Variants in DTX2 observed in about 807,000 individuals in gnomAD.
DTX2 encodes the protein deltex E3 ubiquitin ligase 2.
Under a neutral mutation model 55.3 loss-of-function variants are expected in DTX2, and 29 were observed. The observed-to-expected ratio is 0.52, with a 90% CI of 0.39 to 0.71. DTX2 has a LOEUF of 0.71. DTX2 is among the 30% of genes least tolerant of loss of function. DTX2 has a pLI of 0.00. For synonymous variants in DTX2, 276 were observed against 340.4 expected (o/e 0.81, Z 2.08); for missense variants, 537 against 822.5 (o/e 0.65, Z 4.25).
At chr7:76,495,755 G>A (rs554423518) in intron 5 of DTX2, among the ~76,000 whole-genome samples, 1 of 152,068 alleles carries the variant, frequency 6.6e-6, no homozygotes, top group Admixed American at 6.5e-5. Flanking sequence ...AAACAGAGGG[G>A]AGTGCAAAGC....
intron 2 of DTX2, among the ~76,000 whole-genome samples, chr7:76,476,758 G>C (rs1808587441): frequency 6.6e-6 from 1 of 151,804 alleles, no homozygotes; most frequent in South Asian, 2.1e-4. Context: ...TTAGATGTAG[G>C]TATCAAAGGT....
chr7:76,476,717 G>A (rs1299107863), intron 2 of DTX2, among the ~76,000 whole-genome samples: 1 of 151,782 alleles, frequency 6.6e-6, no homozygotes, highest in Non-Finnish European at 1.5e-5. Flanking sequence ...AAGGTGGTAA[G>A]TGGCTTGGAA....
rs62476489 is a variant in DTX2 at position 76,501,133 on chromosome 7, T to C, written c.1230+613T>C. 3.3e-4 allele frequency: 101 copies of C among 302,138 alleles called. No homozygotes were observed. In the African/African-American group the frequency reaches 3.5e-3, roughly 11 times the overall value. The allele number at this position is 302,138 out of a possible 1,614,324, so 18.7% of individuals were successfully genotyped here. The stretch of plus-strand genomic sequence containing the variant: ...TTCCCCTGATTTTAGCTGGGAGCCC[T>C]GGAGATACTGTTGGGGGAGGGGGTG... On this transcript the variant is annotated intron_variant, in intron 7 of 10. Coordinates refer to ENST00000430490, the MANE Select transcript of DTX2 (RefSeq NM_001102594.3).
intron 2 of DTX2, among the ~76,000 whole-genome samples, chr7:76,473,030 TGTGTTGCCCAGGCTG>T (rs1419442421): frequency 6.6e-6 from 1 of 152,004 alleles, no homozygotes; most frequent in East Asian, 1.9e-4. Context: ...GGGGTCTCTC[TGTGTTGCCCAGGCTG>T]GTCTTGACCT....
At chr7:76,495,499 C>T (rs375909136) in intron 5 of DTX2, among the ~76,000 whole-genome samples, 2 of 152,074 alleles carry the variant, frequency 1.3e-5, no homozygotes, top group South Asian at 2.1e-4. Context: ...CCTCTCCAGG[C>T]TTCTGGGTTG....
chr7:76,467,990 C>T (rs1209089180), intron 2 of DTX2, among the ~76,000 whole-genome samples: 3 of 152,274 alleles, frequency 2.0e-5, no homozygotes, highest in Admixed American at 6.5e-5. Context: ...CAGGGCATCC[C>T]GAGGACAGCT....
intron 6 of DTX2, among the ~76,000 whole-genome samples, chr7:76,498,884 GTGGGGTGTA>G (rs1485865806): frequency 8.9e-5 from 8 of 89,778 alleles, no homozygotes; most frequent in Non-Finnish European, 1.7e-4. Context: ...GTGTGGAGGT[GTGGGGTGTA>G]TGGAGGTGTG....
chr7:76,501,115 G>A (rs1241193946), intron 7 of DTX2, among the ~76,000 whole-genome samples: 2 of 142,142 alleles, frequency 1.4e-5, no homozygotes, highest in Non-Finnish European at 3.1e-5. Context: ...ACTTTCCCCT[G>A]ATTTTAGCTG....
At chr7:76,463,209 C>A (rs1157538480) in intron 1 of DTX2, among the ~76,000 whole-genome samples, 1 of 147,420 alleles carries the variant, frequency 6.8e-6, no homozygotes, top group Non-Finnish European at 1.5e-5. Context: ...ACCTGGGAGG[C>A]GGAGGCTGCA....
rs1262711779 is a variant in DTX2, at chr7:76,493,788, G to T, written c.1009+1535G>T. 9.2e-5 allele frequency among the ~76,000 whole-genome samples: 13 copies of T among 141,210 alleles called. No homozygotes were observed. The South Asian group carries it at 2.3e-3, about 25-fold the overall frequency. The allele number at this position is 141,210 out of a possible 152,430, so 92.6% of individuals were successfully genotyped here. ...GAGGTTTGGCTTGAAACATTCAGAGGCATGAGCCGTCAGGCGGGGGGTTGT... is the reference window on the plus strand; with the variant it reads ...GAGGTTTGGCTTGAAACATTCAGAGTCATGAGCCGTCAGGCGGGGGGTTGT... On this transcript the variant is annotated intron_variant, in intron 5 of 10. Transcript: ENST00000430490.
Position 76,496,256 on chromosome 7 carries a change from G to T in DTX2, c.1010-1081G>T, listed in dbSNP as rs1365830521. On this transcript the variant is annotated intron_variant, in intron 5 of 10. Coordinates refer to ENST00000430490, the MANE Select transcript of DTX2 (RefSeq NM_001102594.3). ...GAAGCTTTGTTCTTCTAGTGGGGGC[G>T]CAGTGGCTGGCCTGGCCGCCCTTCA... Among the ~76,000 whole-genome samples, 2 of 82,922 alleles carry T rather than the reference G, an allele frequency of 2.4e-5. 1 individual carries two copies. The highest frequency in any genetic ancestry group is 4.8e-5 in the Non-Finnish European group (2 of 41,482). The allele number at this position is 82,922 out of a possible 152,430, so 54.4% of individuals were successfully genotyped here.
chr7:76,482,497 T>C lies in DTX2; in HGVS notation c.269-11T>C, dbSNP rs1489380068. 4.5e-6 allele frequency: 7 copies of C among 1,566,998 alleles called. No individual in the cohort carries two copies. Among genetic ancestry groups the C allele is most frequent in the Non-Finnish European group, 6.1e-6 (7 of 1,154,138 alleles). On this transcript the variant is annotated splice_polypyrimidine_tract_variant and intron_variant, in intron 3 of 10. Transcript: ENST00000430490. Reference sequence around the variant, plus strand: ...CTAGCAGACTAACCTTTTGTTTTCCTTTGAAAATAGGCACCATGCGGGCTG... The same window carrying C: ...CTAGCAGACTAACCTTTTGTTTTCCCTTGAAAATAGGCACCATGCGGGCTG...
intron 2 of DTX2, among the ~76,000 whole-genome samples, chr7:76,468,906 G>GTGC (rs1332450689): frequency 7.4e-6 from 1 of 134,260 alleles, no homozygotes; most frequent in Non-Finnish European, 1.6e-5. Context: ...GGGACTACAG[G>GTGC]TGCACGCCAC....
chr7:76,490,278 A>C (rs1214315934), intron 4 of DTX2, among the ~76,000 whole-genome samples: 1 of 85,582 alleles, frequency 1.2e-5, no homozygotes, highest in African/African-American at 5.6e-5. Flanking sequence ...GTGAGCCAAG[A>C]TCACACCACT....
chr7:76,482,177 G>T (rs1415530799), intron 3 of DTX2, among the ~76,000 whole-genome samples: 1 of 151,380 alleles, frequency 6.6e-6, no homozygotes, highest in African/African-American at 2.4e-5. Flanking sequence ...ATCGGGGAAT[G>T]AAAGTGGCAG....
Position 76,472,309 on chromosome 7 carries a change from GT to G in DTX2, c.-89-8111del, listed in dbSNP as rs1197416755. Among the ~76,000 whole-genome samples the G allele has an allele frequency of 3.3e-4, 39 of 119,190 alleles. 1 individual carries two copies. The highest frequency in any genetic ancestry group is 6.8e-4 in the Non-Finnish European group (38 of 55,912). The allele number at this position is 119,190 out of a possible 152,430, so 78.2% of individuals were successfully genotyped here. On this transcript the variant is annotated intron_variant, in intron 2 of 10. Coordinates refer to ENST00000430490, the MANE Select transcript of DTX2 (RefSeq NM_001102594.3). ...GGTTTATATTTATGACCTTTTAAAA[GT>G]GTTTGGCATTTTAAGGGAGGTTTGT...
chr7:76,468,684 C>G (rs1251106991), intron 2 of DTX2, among the ~76,000 whole-genome samples: 2 of 68,840 alleles, frequency 2.9e-5, no homozygotes, highest in African/African-American at 1.3e-4. Context: ...TCTCGAACTC[C>G]TGACCTCAGG....
chr7:76,475,665 G>T (rs1242195729), intron 2 of DTX2, among the ~76,000 whole-genome samples: 3 of 151,264 alleles, frequency 2.0e-5, no homozygotes, highest in African/African-American at 7.3e-5. Context: ...CCTGCCTGGC[G>T]ACAGAGCAAG....
intron 2 of DTX2, among the ~76,000 whole-genome samples, chr7:76,467,500 C>G (rs2116139481): frequency 1.1e-5 from 1 of 93,586 alleles, no homozygotes; most frequent in South Asian, 4.6e-4. Context: ...CTATAGGGCT[C>G]TTTATATATT....
Sources: gnomAD v4.1 joint callset for allele counts (sites outside exome capture counted in the v4.1 genomes callset) on GRCh38, gnomAD v4.1.1 for gene constraint, MANE v1.5 for transcripts, NCBI Gene and HGNC (gene_info 2026-07-23, HGNC 2026-07-21) for gene names.